ORMDL2: variants seen among roughly 807,000 people sequenced by gnomAD.
ORMDL2 encodes ORM1-like protein 2.
ORMDL2 carries 11 observed loss-of-function variants against 13.5 expected under a neutral mutation model. That is an observed-to-expected ratio of 0.82 (90% CI 0.51 to 1.35). The LOEUF is 1.35. Ranked by LOEUF, ORMDL2 falls within the 40% of genes most tolerant of loss-of-function variation. The probability of loss-of-function intolerance (pLI) is 0.00; values close to 1 mark genes in which losing one functional copy is unlikely to be tolerated. For synonymous variants in ORMDL2, 73 were observed against 76.5 expected (o/e 0.95, Z 0.24); for missense variants, 160 against 191.1 (o/e 0.84, Z 0.96).
chr12:55,819,207 AG>A lies in ORMDL2; in HGVS notation c.174+37del, dbSNP rs375553886. 3 of 1,598,262 alleles carry A rather than the reference AG, an allele frequency of 1.9e-6. No individual in the cohort carries two copies. The South Asian group carries it at 3.3e-5, about 18-fold the overall frequency. The stretch of plus-strand genomic sequence containing the variant: ...TAAACCACGCCCTTGTACCCACCCC[AG>A]GGTTTCCCAACCAAAAGCAAAATAA... On this transcript the variant is annotated intron_variant, in intron 2 of 3. Coordinates refer to ENST00000243045, the MANE Select transcript of ORMDL2 (RefSeq NM_014182.5).
In ORMDL2 at chr12:55,821,220, A is replaced by C. The variant is rs190055999; in HGVS notation, c.*825A>C. The C allele has an allele frequency of 6.5e-6, 1 of 152,756 alleles. No homozygotes were observed. The highest frequency in any genetic ancestry group is 6.5e-5 in the Admixed American group (1 of 15,300). The allele number at this position is 152,756 out of a possible 1,614,324, so 9.5% of individuals were successfully genotyped here. On this transcript the variant is annotated 3_prime_UTR_variant, in exon 4 of 4. Coordinates refer to ENST00000243045, the MANE Select transcript of ORMDL2 (RefSeq NM_014182.5). The stretch of plus-strand genomic sequence containing the variant: ...CTAAAATTGGGTGATTTACCCACAA[A>C]GTGAAAGTCGAGGGAAAATTCAGTT...
Position 55,819,406 on chromosome 12 carries a change from C to G in ORMDL2, c.239C>G (p.Ala80Gly). The stretch of plus-strand genomic sequence containing the variant: ...TTTGAGACTCCTGACCAAGGAAAGG[C>G]TCGGCTACTGACACACTGGGAGCAA... Reference protein sequence around the residue: ...TPFETPDQGKARLLTHWEQMD... With the variant: ...TPFETPDQGKGRLLTHWEQMD... The change falls in exon 3 of 4, where the codon GCT becomes GGT. Residue 80 changes from alanine to glycine, a missense_variant. Physicochemically the swap from Ala to Gly is moderately conservative, Grantham distance 60. Coordinates refer to ENST00000243045, the MANE Select transcript of ORMDL2 (RefSeq NM_014182.5). 1 of 1,614,108 alleles carries G rather than the reference C, an allele frequency of 6.2e-7. No homozygotes were observed. Among genetic ancestry groups the G allele is most frequent in the Non-Finnish European group, 8.5e-7 (1 of 1,179,988 alleles).
At chr12:55,820,195 A>T in intron 3 of ORMDL2, 65 bp from the exon 4 acceptor site, 14 of 371,668 alleles carry the variant, frequency 3.8e-5, no homozygotes, top group South Asian at 1.4e-4. Context: ...ACTGTCTCTT[A>T]AAAAAAAAAA....
At chr12:55,818,915 A>G in intron 1 of ORMDL2, 84 bp from the exon 2 acceptor site, 8 of 1,186,410 alleles carry the variant, frequency 6.7e-6, no homozygotes, top group Non-Finnish European at 8.6e-6. Flanking sequence ...GATTGGGGCT[A>G]TCTGAGAGAC....
chr12:55,821,447 C>G lies in ORMDL2; in HGVS notation c.*1052C>G, dbSNP rs919457428. The G allele has an allele frequency of 6.6e-6, 1 of 152,662 alleles. No homozygotes were observed. Among genetic ancestry groups the G allele is most frequent in the East Asian group, 1.9e-4 (1 of 5,198 alleles). The allele number at this position is 152,662 out of a possible 1,614,324, so 9.5% of individuals were successfully genotyped here. ...AATGACAAGACAAAGGCATACAGAC[C>G]CCAGGGAAATACCCAGTTCCCACAC... On this transcript the variant is annotated 3_prime_UTR_variant, in exon 4 of 4. Transcript: ENST00000243045.
At position 55,820,419 on chromosome 12, in the gene ORMDL2, A is replaced by G. The variant is rs375352682; in HGVS notation, c.*24A>G. ...GAGGGATGGGTTTTGGGACAGCTCC[A>G]TGGGCATGGGGAAGGCACTGAAACA... On this transcript the variant is annotated 3_prime_UTR_variant, in exon 4 of 4. Transcript: ENST00000243045. 4.3e-6 allele frequency: 7 copies of G among 1,613,724 alleles called. No individual in the cohort carries two copies. In the East Asian group the frequency reaches 8.9e-5, roughly 21 times the overall value.
rs771167474 is a variant in ORMDL2 at position 55,818,068 on chromosome 12, T to G, written c.-46T>G. The G allele has an allele frequency of 1.9e-6, 1 of 526,906 alleles. No individual in the cohort carries two copies. The highest frequency in any genetic ancestry group is 3.6e-6 in the Non-Finnish European group (1 of 273,986). The allele number at this position is 526,906 out of a possible 1,614,324, so 32.6% of individuals were successfully genotyped here. A position where few individuals can be genotyped will look rare whatever the true frequency, so the allele number is the denominator to read the frequency against. ...TACTTCCTGGAGACTTCAGGTGTGG[T>G]AGCCGGCGCCGCGCCCATAGCCGGA... On this transcript the variant is annotated 5_prime_UTR_variant, in exon 1 of 4. Transcript: ENST00000243045.
At chr12:55,818,437 C>T (rs1880573506) in intron 1 of ORMDL2, 1 of 223,140 alleles carries the variant, frequency 4.5e-6, no homozygotes, top group Non-Finnish European at 9.2e-6. Flanking sequence ...GCTCAGGTCC[C>T]TTCCTAACCC....
chr12:55,818,926 A>G, intron 1 of ORMDL2, 73 bp from the exon 2 acceptor site: 1 of 1,323,622 alleles, frequency 7.6e-7, no homozygotes, highest in Non-Finnish European at 1.1e-6. Context: ...TCTGAGAGAC[A>G]ACTGGGAGAT....
At chr12:55,818,211 T>G in intron 1 of ORMDL2, 99 bp downstream of exon 1, 1 of 338,154 alleles carries the variant, frequency 3.0e-6, no homozygotes, top group East Asian at 1.2e-4. Context: ...AGGGGAGCGC[T>G]GAAGGGAGCC....
chr12:55,819,064 TC>T lies in ORMDL2; in HGVS notation c.66del (p.Trp23GlyfsTer8). The part of the protein sequence containing the change: ...PNTRVMNSRG[I>X]WLAYIILVGL... ...ACCCGAGTGATGAATAGCCGAGGCA[TC>T]TGGCTGGCCTACATCATCTTGGTAG... On this transcript the variant is annotated frameshift_variant, in exon 2 of 4. Transcript: ENST00000243045. LOFTEE classifies it high-confidence loss of function. The T allele has an allele frequency of 7.4e-6, 12 of 1,614,014 alleles. No individual in the cohort carries two copies. Among genetic ancestry groups the T allele is most frequent in the Non-Finnish European group, 1.0e-5 (12 of 1,179,910 alleles).
rs1430408254 is a variant in ORMDL2, at chr12:55,818,052, G to T, written c.-62G>T. The stretch of plus-strand genomic sequence containing the variant: ...GCAGAAGGAGAGGCGTTACTTCCTG[G>T]AGACTTCAGGTGTGGTAGCCGGCGC... On this transcript the variant is annotated 5_prime_UTR_variant, in exon 1 of 4. Transcript: ENST00000243045. The T allele has an allele frequency of 5.4e-6, 3 of 557,390 alleles. No homozygotes were observed. Among genetic ancestry groups the T allele is most frequent in the East Asian group, 4.4e-5 (1 of 22,642 alleles). The allele number at this position is 557,390 out of a possible 1,614,324, so 34.5% of individuals were successfully genotyped here.
In ORMDL2 at chr12:55,819,107, TCTA is replaced by T; in HGVS notation, c.111_113del (p.Leu38del). The T allele has an allele frequency of 6.2e-7, 1 of 1,614,122 alleles. No individual in the cohort carries two copies. The highest frequency in any genetic ancestry group is 8.5e-7 in the Non-Finnish European group (1 of 1,179,968). On this transcript the variant is annotated inframe_deletion, in exon 2 of 4. Transcript: ENST00000243045. ...TCTTGGTAGGATTGCTGCATATGGTTCTACTCAGCATCCCCTTCTTCAGCATTC... is the reference window on the plus strand; with the variant it reads ...TCTTGGTAGGATTGCTGCATATGGTTCTCAGCATCCCCTTCTTCAGCATTC...
In ORMDL2 at chr12:55,820,254, C is replaced by T. The variant is rs1265591506; in HGVS notation, c.327-6C>T. The T allele has an allele frequency of 6.2e-7, 1 of 1,604,076 alleles. No individual in the cohort carries two copies. Among genetic ancestry groups the T allele is most frequent in the Non-Finnish European group, 8.5e-7 (1 of 1,174,002 alleles). Reference sequence around the variant, plus strand: ...CCTCACTCACCCTATTTTTTTCTCTCCCCAGCTATCTCCTGGCCAGCTTCT... The same window carrying T: ...CCTCACTCACCCTATTTTTTTCTCTTCCCAGCTATCTCCTGGCCAGCTTCT... On this transcript the variant is annotated splice_region_variant and splice_polypyrimidine_tract_variant and intron_variant, in intron 3 of 3. Transcript: ENST00000243045.
chr12:55,819,338 C>T lies in ORMDL2; in HGVS notation c.175-4C>T. 1 of 1,612,476 alleles carries T rather than the reference C, an allele frequency of 6.2e-7. No individual in the cohort carries two copies. Among genetic ancestry groups the T allele is most frequent in the Non-Finnish European group, 8.5e-7 (1 of 1,178,860 alleles). ...CCTCACACTGCCACCTTCCCTGTTC[C>T]CAGGCTACGTATGTCTTCCTTCATA... is the stretch of plus-strand genomic sequence containing the variant. On this transcript the variant is annotated splice_polypyrimidine_tract_variant and splice_region_variant and intron_variant, in intron 2 of 3. Transcript: ENST00000243045.
intron 1 of ORMDL2, 172 bp from the exon 2 acceptor site, chr12:55,818,827 T>C (rs1385751190): frequency 1.7e-6 from 1 of 600,058 alleles, no homozygotes; most frequent in Non-Finnish European, 2.9e-6. Flanking sequence ...TCTTCTTGTC[T>C]TTTAAAGTTT....
rs758317887 is a variant in ORMDL2, at chr12:55,819,076, A to G, written c.77A>G (p.Tyr26Cys). ...AATAGCCGAGGCATCTGGCTGGCCTACATCATCTTGGTAGGATTGCTGCAT... is the reference window on the plus strand; with the variant it reads ...AATAGCCGAGGCATCTGGCTGGCCTGCATCATCTTGGTAGGATTGCTGCAT... ...VMNSRGIWLAYIILVGLLHMV... is the reference protein window; with the variant it reads ...VMNSRGIWLACIILVGLLHMV... Residue 26 changes from tyrosine to cysteine, a missense_variant, in exon 2 of 4, where the codon TAC (tyrosine) becomes TGC (cysteine). Coordinates refer to ENST00000243045, the MANE Select transcript of ORMDL2 (RefSeq NM_014182.5). 3.7e-6 allele frequency: 6 copies of G among 1,614,154 alleles called. No individual in the cohort carries two copies. Among genetic ancestry groups the G allele is most frequent in the Non-Finnish European group, 5.1e-6 (6 of 1,180,006 alleles).
intron 3 of ORMDL2, 69 bp downstream of exon 3, chr12:55,819,562 T>A: frequency 3.5e-6 from 5 of 1,424,976 alleles, no homozygotes; most frequent in Non-Finnish European, 4.8e-6. Context: ...GAAAGGCCCA[T>A]AGGGAAGCTG....
chr12:55,821,112 ATTC>A lies in ORMDL2; in HGVS notation c.*721_*723del, dbSNP rs1292016591. ...CATGGGGGCTTCTGGGAACCCCCGT[ATTC>A]TTCCCCCTCACCCAAGGGCAGTGGG... On this transcript the variant is annotated 3_prime_UTR_variant, in exon 4 of 4. Coordinates refer to ENST00000243045, the MANE Select transcript of ORMDL2 (RefSeq NM_014182.5). The A allele has an allele frequency of 6.6e-6, 1 of 152,660 alleles. No individual in the cohort carries two copies. The highest frequency in any genetic ancestry group is 1.5e-5 in the Non-Finnish European group (1 of 68,040). 9.5% of individuals were successfully genotyped at this position (152,660 alleles called of 1,614,324 possible).
Sources: gnomAD v4.1 joint callset for allele counts on GRCh38, gnomAD v4.1.1 for gene constraint, MANE v1.5 for transcripts, NCBI Gene and HGNC (gene_info 2026-07-23, HGNC 2026-07-21) for gene names.